DLGAP2: variants seen among roughly 807,000 people sequenced by gnomAD.
DLGAP2 encodes DLG associated protein 2.
A neutral mutation model predicts 100.3 loss-of-function variants in DLGAP2; 26 were observed. The observed-to-expected ratio is 0.26, with a 90% CI of 0.19 to 0.36. The LOEUF is 0.36. Ranked by LOEUF, DLGAP2 falls within the 10% of genes least tolerant of loss-of-function variation. The probability of loss-of-function intolerance (pLI) is 1.00; values close to 1 mark genes in which losing one functional copy is unlikely to be tolerated. For synonymous variants in DLGAP2, 886 were observed against 630.1 expected, an observed-to-expected ratio of 1.41 and a Z score of -6.08; for missense variants, 1,858 against 1,453.2, an observed-to-expected ratio of 1.28 and a Z score of -4.53.
chr8:1,166,310 G>A (rs375611271), intron 2 of DLGAP2, among the ~76,000 whole-genome samples: 2 of 152,146 alleles, frequency 1.3e-5, no homozygotes, highest in African/African-American at 2.4e-5. Context: ...CCTTATTCCC[G>A]AGGCCCCGGC....
At chr8:1,581,813 C>T (rs568707878) in intron 6 of DLGAP2, among the ~76,000 whole-genome samples, 27 of 151,600 alleles carry the variant, frequency 1.8e-4, no homozygotes, top group Middle Eastern at 7.0e-3. Context: ...CACGTCTACA[C>T]ACCACAGTCA....
At chr8:1,214,208 A>G (rs7463697) in intron 2 of DLGAP2, among the ~76,000 whole-genome samples, 15,298 of 152,104 alleles carry the variant, frequency 0.1, 1,622 homozygotes, top group African/African-American at 0.27. Context: ...TTTATTCTTC[A>G]AGTCTCATTT....
At chr8:1,628,078 C>T (rs55803714) in intron 7 of DLGAP2, among the ~76,000 whole-genome samples, 1 of 121,346 alleles carries the variant, frequency 8.2e-6, no homozygotes, top group Non-Finnish European at 1.7e-5. Flanking sequence ...TTCTCTCTGA[C>T]TTACTGTGGA....
chr8:1,560,743 C>T (rs924120246), intron 5 of DLGAP2, among the ~76,000 whole-genome samples: 2 of 152,266 alleles, frequency 1.3e-5, no homozygotes, highest in Non-Finnish European at 2.9e-5. Context: ...CAAACTTCCT[C>T]ACTGTCAGGA....
At chr8:1,468,774 A>G (rs759784841) in intron 3 of DLGAP2, among the ~76,000 whole-genome samples, 12 of 151,368 alleles carry the variant, frequency 7.9e-5, no homozygotes, top group Non-Finnish European at 1.2e-4. Flanking sequence ...GCAGAGCTGC[A>G]CTCCCACTGC....
In DLGAP2 at chr8:772,984, T is replaced by C. The variant is rs556853575; in HGVS notation, c.18+35159T>C. Among the ~76,000 whole-genome samples, 685 of 152,300 alleles carry C rather than the reference T, an allele frequency of 4.5e-3. 1 individual carries two copies. The highest frequency in any genetic ancestry group is 7.3e-3 in the Non-Finnish European group (498 of 68,034). ...ACACTCCATGCAGGACCTTCCAGATTGTTCTCTGTAACAGTAGGATGGCAT... is the reference window on the plus strand; with the variant it reads ...ACACTCCATGCAGGACCTTCCAGATCGTTCTCTGTAACAGTAGGATGGCAT... On this transcript the variant is annotated intron_variant, in intron 1 of 14. Coordinates refer to ENST00000637795, the MANE Select transcript of DLGAP2 (RefSeq NM_001346810.2).
At chr8:911,384 G>T (rs1336385073) in intron 2 of DLGAP2, among the ~76,000 whole-genome samples, 1 of 152,170 alleles carries the variant, frequency 6.6e-6, no homozygotes, top group Non-Finnish European at 1.5e-5. Flanking sequence ...ATGTTGGAAA[G>T]ATGCATGCAT....
intron 2 of DLGAP2, among the ~76,000 whole-genome samples, chr8:996,209 C>T (rs886809658): frequency 2.0e-5 from 3 of 152,162 alleles, no homozygotes; most frequent in Non-Finnish European, 4.4e-5. Context: ...AGACCAAAGC[C>T]TTCTTTACTT....
At chr8:1,600,957 T>C (rs961393690) in intron 6 of DLGAP2, among the ~76,000 whole-genome samples, 4 of 152,160 alleles carry the variant, frequency 2.6e-5, no homozygotes, top group African/African-American at 9.7e-5. Context: ...GGCTTTCTGG[T>C]TTTTGGAATT....
At chr8:1,684,589 T>TTCAG (rs1232299724) in intron 12 of DLGAP2, among the ~76,000 whole-genome samples, 5 of 152,136 alleles carry the variant, frequency 3.3e-5, no homozygotes, top group African/African-American at 1.2e-4. Context: ...TGAATCTAGA[T>TTCAG]TCAGTCAGTC....
chr8:1,023,857 A>ATATGTGTGTGTGTGTGTGTGTGTG (rs772678610), intron 2 of DLGAP2, among the ~76,000 whole-genome samples: 3 of 128,942 alleles, frequency 2.3e-5, no homozygotes, highest in Admixed American at 8.2e-5. Context: ...AACTTTATAT[A>ATATGTGTGTGTGTGTGTGTGTGTG]TGTGTGTGTG....
At chr8:1,606,496 T>C (rs1796805036) in intron 6 of DLGAP2, among the ~76,000 whole-genome samples, 1 of 152,186 alleles carries the variant, frequency 6.6e-6, no homozygotes, top group South Asian at 2.1e-4. Context: ...TATCTTTGTG[T>C]CTGGCTTCTA....
intron 4 of DLGAP2, among the ~76,000 whole-genome samples, chr8:1,522,163 C>T (rs114972500): frequency 0.017 from 2,562 of 152,292 alleles, 72 homozygotes; most frequent in African/African-American, 0.052. Flanking sequence ...TTGGTTTCCA[C>T]GCTTGGCATC....
chr8:861,808 A>T (rs1797397470), intron 1 of DLGAP2, among the ~76,000 whole-genome samples: 1 of 152,202 alleles, frequency 6.6e-6, no homozygotes, highest in East Asian at 1.9e-4. Flanking sequence ...CCCGGTGGAA[A>T]TGTGTTTGCT....
At chr8:1,678,140 G>A in intron 11 of DLGAP2, 74 bp from the exon 12 acceptor site, 1 of 1,521,236 alleles carries the variant, frequency 6.6e-7, no homozygotes, top group Non-Finnish European at 8.8e-7. Flanking sequence ...CTCCTGACAG[G>A]CGACATGTAG....
At chr8:938,234 G>C (rs1222058207) in intron 2 of DLGAP2, among the ~76,000 whole-genome samples, 1 of 152,092 alleles carries the variant, frequency 6.6e-6, no homozygotes, top group Non-Finnish European at 1.5e-5. Flanking sequence ...GCCCAGGCTG[G>C]AGTATAATGG....
At chr8:1,684,488 A>G (rs1265775303) in intron 12 of DLGAP2, among the ~76,000 whole-genome samples, 1 of 151,990 alleles carries the variant, frequency 6.6e-6, no homozygotes, top group Non-Finnish European at 1.5e-5. Context: ...TGAGACTAAA[A>G]CTCTGATCTC....
At chr8:824,865 T>C (rs531446557) in intron 1 of DLGAP2, among the ~76,000 whole-genome samples, 24 of 152,254 alleles carry the variant, frequency 1.6e-4, no homozygotes, top group Non-Finnish European at 2.4e-4. Flanking sequence ...CGCAATTCAC[T>C]GGAGCACCCC....
chr8:1,530,010 A>C (rs1465020236), intron 4 of DLGAP2, among the ~76,000 whole-genome samples: 1 of 152,252 alleles, frequency 6.6e-6, no homozygotes, highest in African/African-American at 2.4e-5. Flanking sequence ...GGGTGAGATC[A>C]CAGGACCACA....
Sources: allele counts gnomAD v4.1 joint callset (sites outside exome capture counted in the v4.1 genomes callset), GRCh38; gene constraint gnomAD v4.1.1; transcripts MANE v1.5; gene names NCBI Gene and HGNC (gene_info 2026-07-23, HGNC 2026-07-21).